The following AACS variants were observed in gnomAD, a reference collection of about 807,000 sequenced individuals.
AACS encodes the protein acetoacetate-CoA ligase.
In AACS, 69 loss-of-function variants were observed where a neutral mutation model predicts 83.1. The ratio of observed to expected loss-of-function variants is 0.83; its 90% CI spans 0.68 to 1.01. AACS has a LOEUF of 1.01. AACS is among the 50% of genes least tolerant of loss of function. The probability of loss-of-function intolerance (pLI) is 0.00; values close to 1 mark genes in which losing one functional copy is unlikely to be tolerated. For missense variants in AACS, 866 were observed against 882.2 expected (o/e 0.98, Z 0.23); for synonymous variants, 333 against 343.4 (o/e 0.97, Z 0.33).
rs1359448658 is a variant in AACS, at chr12:125,134,708, G to C, written c.1620-86G>C. On this transcript the variant is annotated intron_variant, in intron 15 of 17. Transcript: ENST00000316519. ...GTCCTGGGGGATGCCATGGGAAAGT[G>C]GGGGGTGACTGCCCTCCCGTGGGAC... 15 of 1,452,488 alleles carry C rather than the reference G, an allele frequency of 1.0e-5. No individual in the cohort carries two copies. In the East Asian group the frequency reaches 2.5e-4, roughly 24 times the overall value. 90.0% of individuals were successfully genotyped at this position (1,452,488 alleles called of 1,614,324 possible). A position where few individuals can be genotyped will look rare whatever the true frequency, so the allele number is the denominator to read the frequency against.
At position 125,093,814 on chromosome 12, in the gene AACS, G is replaced by C. The variant is rs1240024979; in HGVS notation, c.570+2291G>C. 2.0e-5 allele frequency among the ~76,000 whole-genome samples: 3 copies of C among 152,218 alleles called. No homozygotes were observed. The East Asian group carries it at 5.8e-4, about 29-fold the overall frequency. On this transcript the variant is annotated intron_variant, in intron 5 of 17. Transcript: ENST00000316519. ...AGACTCCATCCTGCCGGAGACGGGG[G>C]TGTGTGTGACGCACGTTACTCGCAC...
At chr12:125,119,062 T>C (rs531787653) in intron 10 of AACS, among the ~76,000 whole-genome samples, 1 of 152,330 alleles carries the variant, frequency 6.6e-6, no homozygotes, top group East Asian at 1.9e-4. Flanking sequence ...ATTTCTATTT[T>C]GAAGGTTATT....
At chr12:125,065,843 C>T (rs1420973643) in intron 1 of AACS, 126 bp downstream of exon 1, 1 of 1,335,022 alleles carries the variant, frequency 7.5e-7, no homozygotes, top group Non-Finnish European at 9.8e-7. Flanking sequence ...GGCGGGGAGG[C>T]CTTCTGACTG....
chr12:125,074,703 G>T (rs1240279589), intron 2 of AACS, among the ~76,000 whole-genome samples: 32 of 77,674 alleles, frequency 4.1e-4, no homozygotes, highest in African/African-American at 1.3e-3. Flanking sequence ...TTGCTCTATT[G>T]CCCAGGCTGG....
intron 12 of AACS, chr12:125,126,571 T>C (rs2136128221): frequency 6.8e-6 from 1 of 147,492 alleles, no homozygotes; most frequent in African/African-American, 2.5e-5. Context: ...ATAGAAATCT[T>C]TGGGTCAGTT....
At chr12:125,078,055 G>A (rs1238168086) in intron 3 of AACS, 1 of 433,876 alleles carries the variant, frequency 2.3e-6, no homozygotes, top group Non-Finnish European at 4.6e-6. Flanking sequence ...TTAATTCACT[G>A]TGGTATAAAA....
In AACS at chr12:125,124,932, C is replaced by T. The variant is rs769532481; in HGVS notation, c.1217C>T (p.Thr406Met). ...VETHSLQMLH[T>M]ILSTGSPLKA... is the part of the protein sequence containing the mutation. The stretch of plus-strand genomic sequence containing the variant: ...ACCCACAGTCTCCAGATGCTCCACA[C>T]GATCCTGTCCACTGGCTCCCCACTG... Residue 406 changes from threonine to methionine, a missense_variant, in exon 12 of 18, where the codon ACG becomes ATG. Physicochemically the swap from Thr to Met is moderately conservative, Grantham distance 81. Coordinates refer to ENST00000316519, the MANE Select transcript of AACS (RefSeq NM_023928.5). 2.0e-5 allele frequency: 32 copies of T among 1,614,094 alleles called. No individual in the cohort carries two copies. Among genetic ancestry groups the T allele is most frequent in the South Asian group, 3.3e-5 (3 of 91,090 alleles).
At chr12:125,088,966 T>G (rs1476473378) in intron 4 of AACS, among the ~76,000 whole-genome samples, 1 of 152,104 alleles carries the variant, frequency 6.6e-6, no homozygotes, top group Non-Finnish European at 1.5e-5. Flanking sequence ...AAAGATGGAG[T>G]TAAAGCTGCG....
At chr12:125,090,178 A>C (rs1316816989) in intron 4 of AACS, among the ~76,000 whole-genome samples, 2 of 49,744 alleles carry the variant, frequency 4.0e-5, no homozygotes, top group Non-Finnish European at 3.9e-5. Context: ...CTGTCTATAC[A>C]TTCTTCTCTC....
chr12:125,124,945 T>G lies in AACS; in HGVS notation c.1230T>G (p.Thr410=), dbSNP rs768011156. 2.3e-5 allele frequency: 37 copies of G among 1,614,238 alleles called. No individual in the cohort carries two copies. Among genetic ancestry groups the G allele is most frequent in the Non-Finnish European group, 3.0e-5 (35 of 1,180,044 alleles). The change falls in exon 12 of 18, where the codon ACT becomes ACG. Residue 410 remains threonine, a synonymous_variant. Transcript: ENST00000316519. ...SLQMLHTILS[T]GSPLKAQSYE... is the part of the protein sequence containing the mutation. ...AGATGCTCCACACGATCCTGTCCAC[T>G]GGCTCCCCACTGAAAGCCCAGAGCT...
At chr12:125,075,094 C>T (rs1955989162) in intron 2 of AACS, among the ~76,000 whole-genome samples, 1 of 151,658 alleles carries the variant, frequency 6.6e-6, no homozygotes, top group South Asian at 2.1e-4. Flanking sequence ...CCTGCCTCAC[C>T]CTCCCGAGTA....
At chr12:125,072,617 T>G (rs1955900956) in intron 1 of AACS, among the ~76,000 whole-genome samples, 1 of 152,224 alleles carries the variant, frequency 6.6e-6, no homozygotes, top group Admixed American at 6.5e-5. Context: ...TGGTCCCCGA[T>G]AGGATAAAAT....
chr12:125,080,337 A>C (rs865891920), intron 3 of AACS, among the ~76,000 whole-genome samples: 2 of 152,302 alleles, frequency 1.3e-5, no homozygotes, highest in East Asian at 1.9e-4. Context: ...AAAAAAACCC[A>C]AAAACCCAAA....
intron 12 of AACS, chr12:125,127,313 GACTC>G (rs1461192060): frequency 6.6e-6 from 1 of 152,234 alleles, no homozygotes; most frequent in East Asian, 1.9e-4. Flanking sequence ...AAACGAACGT[GACTC>G]ACTCATTTTC....
chr12:125,141,256 C>T (rs1957484342), intron 17 of AACS: 1 of 152,684 alleles, frequency 6.5e-6, no homozygotes, highest in African/African-American at 2.4e-5. Context: ...CTGAGAGATA[C>T]TCTTTTTTAT....
intron 8 of AACS, among the ~76,000 whole-genome samples, chr12:125,107,888 AG>A (rs1383073990): frequency 1.3e-5 from 2 of 152,164 alleles, no homozygotes; most frequent in Non-Finnish European, 2.9e-5. Flanking sequence ...GCCTGAACCC[AG>A]GGGGCGGAGG....
chr12:125,128,578 C>T (rs747856793), intron 13 of AACS: 60 of 225,390 alleles, frequency 2.7e-4, no homozygotes, highest in Non-Finnish European at 4.9e-4. Context: ...GATACACAGG[C>T]AGCAGCCAGC....
In AACS at chr12:125,129,957, C is replaced by G. The variant is rs1443687282; in HGVS notation, c.1549+497C>G. Among the ~76,000 whole-genome samples, 2 of 152,244 alleles carry G rather than the reference C, an allele frequency of 1.3e-5. No homozygotes were observed. The highest frequency in any genetic ancestry group is 2.9e-5 in the Non-Finnish European group (2 of 68,008). On this transcript the variant is annotated intron_variant, in intron 14 of 17. Coordinates refer to ENST00000316519, the MANE Select transcript of AACS (RefSeq NM_023928.5). This position sits in a 1 kb window ranked among gnomAD's most constrained non-coding sequence, Gnocchi z 4.3. ...ACCCGACACGTCACTCTCACATAGA[C>G]TGACACCCTTGGGTGTCGTCTTTTG...
chr12:125,128,205 C>T lies in AACS; in HGVS notation c.1354C>T (p.Leu452Phe), dbSNP rs780843946. ...ISCFMGHNFS[L>F]PVYKGEIQAR... ...CTGCTTCATGGGCCACAATTTTTCT[C>T]TTCCTGTGTATAAAGGGGAGATTCA... The change falls in exon 13 of 18, where the codon CTT (leucine) becomes TTT (phenylalanine). Residue 452 changes from leucine to phenylalanine, a missense_variant. Coordinates refer to ENST00000316519, the MANE Select transcript of AACS (RefSeq NM_023928.5). The T allele has an allele frequency of 1.3e-5, 21 of 1,612,960 alleles. No homozygotes were observed. In the Admixed American group the frequency reaches 2.0e-4, roughly 15 times the overall value.
Sources: allele counts gnomAD v4.1 joint callset (sites outside exome capture counted in the v4.1 genomes callset), GRCh38; gene constraint gnomAD v4.1.1; non-coding constraint Gnocchi (gnomAD v3.1); transcripts MANE v1.5; gene names NCBI Gene and HGNC (gene_info 2026-07-23, HGNC 2026-07-21).